The following KANK1 variants were observed in gnomAD, a reference collection of about 807,000 sequenced individuals.
KANK1 encodes the protein KN motif and ankyrin repeat domains 1.
KANK1 carries 109 observed loss-of-function variants against 106.2 expected under a neutral mutation model. The observed-to-expected ratio is 1.03, with a 90% CI of 0.88 to 1.20. The LOEUF is 1.20. Ranked by LOEUF, KANK1 falls within the 50% of genes most tolerant of loss-of-function variation. The pLI is 0.00. For synonymous variants in KANK1, 873 were observed against 652.2 expected (o/e 1.34, Z -5.16); for missense variants, 2,399 against 1,710.7 (o/e 1.40, Z -7.10).
intron 1 of KANK1, among the ~76,000 whole-genome samples, chr9:518,118 G>A (rs186805637): frequency 0.051 from 7,761 of 151,698 alleles, 856 homozygotes; most frequent in African/African-American, 0.18. Flanking sequence ...ACTCTTTCCT[G>A]CTCTGTCAAC....
At chr9:607,111 C>G (rs1382476380) in intron 1 of KANK1, among the ~76,000 whole-genome samples, 1 of 151,812 alleles carries the variant, frequency 6.6e-6, no homozygotes, top group African/African-American at 2.4e-5. Flanking sequence ...CTCTCTTTCA[C>G]CTTCCTCAAT....
intron 1 of KANK1, among the ~76,000 whole-genome samples, chr9:542,385 G>A (rs1301234864): frequency 6.6e-6 from 1 of 152,196 alleles, no homozygotes; most frequent in Admixed American, 6.5e-5. Context: ...TACTAGAATG[G>A]ATATTATCAA....
chr9:519,685 T>C (rs1270461398), intron 1 of KANK1, among the ~76,000 whole-genome samples: 2 of 151,740 alleles, frequency 1.3e-5, no homozygotes, highest in Non-Finnish European at 2.9e-5. Flanking sequence ...CAGTTAAGTT[T>C]ATAACCTCGA....
chr9:665,126 CTTGT>C (rs1234283388), intron 1 of KANK1, among the ~76,000 whole-genome samples: 1 of 152,098 alleles, frequency 6.6e-6, no homozygotes, highest in African/African-American at 2.4e-5. Flanking sequence ...GTTTCTTCAC[CTTGT>C]TTGAGTGTTT....
At chr9:653,274 A>C (rs865912985) in intron 1 of KANK1, among the ~76,000 whole-genome samples, 3 of 152,046 alleles carry the variant, frequency 2.0e-5, no homozygotes, top group Non-Finnish European at 4.4e-5. Context: ...TTCGAGGCCA[A>C]CTGGAAATGA....
chr9:711,881 C>T lies in KANK1; in HGVS notation c.1115C>T (p.Ala372Val), dbSNP rs973324089. 23 of 1,614,056 alleles carry T rather than the reference C, an allele frequency of 1.4e-5. No homozygotes were observed. The highest frequency in any genetic ancestry group is 1.9e-5 in the Non-Finnish European group (22 of 1,180,036). The change falls in exon 3 of 12, where the codon GCA becomes GTA. Residue 372 changes from alanine (A) to valine (V), a missense_variant. Ala to Val is a moderately conservative substitution (Grantham distance 64). Coordinates refer to ENST00000382297, the MANE Select transcript of KANK1 (RefSeq NM_015158.5). ...QRIKEFRQLTADMQALEQKIQ... is the reference protein window; with the variant it reads ...QRIKEFRQLTVDMQALEQKIQ... ...ATAAAGGAGTTCCGGCAACTTACAG[C>T]AGACATGCAAGCCCTGGAGCAGAAG... is the stretch of plus-strand genomic sequence containing the variant.
intron 1 of KANK1, among the ~76,000 whole-genome samples, chr9:632,028 C>G (rs920226123): frequency 1.3e-5 from 2 of 152,304 alleles, no homozygotes; most frequent in East Asian, 1.9e-4. Flanking sequence ...AGTACAAAGA[C>G]TGTGTCATTA....
At chr9:731,056 G>C (rs1191534980) in intron 4 of KANK1, 102 bp from the exon 5 acceptor site, 1 of 556,754 alleles carries the variant, frequency 1.8e-6, no homozygotes, top group Non-Finnish European at 3.2e-6. Flanking sequence ...TATATGCCAA[G>C]ATCTACATTT....
intron 1 of KANK1, among the ~76,000 whole-genome samples, chr9:553,519 T>TG (rs2061400200): frequency 6.6e-6 from 1 of 152,216 alleles, no homozygotes; most frequent in Non-Finnish European, 1.5e-5. Flanking sequence ...GTCCTTGATC[T>TG]TCCGCACCCT....
At chr9:744,878 T>C in intron 11 of KANK1, 1 of 1,411,234 alleles carries the variant, frequency 7.1e-7, no homozygotes, top group South Asian at 1.5e-5. Flanking sequence ...CCTGAGCCCA[T>C]GGGGATATTT....
At chr9:541,244 G>A (rs964614763) in intron 1 of KANK1, among the ~76,000 whole-genome samples, 1 of 152,092 alleles carries the variant, frequency 6.6e-6, no homozygotes, top group Non-Finnish European at 1.5e-5. Flanking sequence ...TAGACCAATG[G>A]AACAGAATAG....
intron 2 of KANK1, among the ~76,000 whole-genome samples, chr9:706,118 C>T (rs1824088108): frequency 6.6e-6 from 1 of 151,954 alleles, no homozygotes; most frequent in South Asian, 2.1e-4. Context: ...TTACCATGGA[C>T]AATTGTTTGT....
intron 2 of KANK1, among the ~76,000 whole-genome samples, chr9:471,841 T>TA (rs2058027273): frequency 6.6e-6 from 1 of 152,098 alleles, no homozygotes; most frequent in Non-Finnish European, 1.5e-5. Flanking sequence ...TTACAGTGAG[T>TA]TAAGCGTTCT....
chr9:638,280 A>AG (rs1461274239), intron 1 of KANK1, among the ~76,000 whole-genome samples: 1 of 152,216 alleles, frequency 6.6e-6, no homozygotes, highest in Non-Finnish European at 1.5e-5. Context: ...GTCCAAGATC[A>AG]GGGGGACATG....
intron 1 of KANK1, among the ~76,000 whole-genome samples, chr9:661,539 G>A (rs1843316081): frequency 6.6e-6 from 1 of 152,124 alleles, no homozygotes; most frequent in African/African-American, 2.4e-5. Context: ...GGGCATTTGG[G>A]TTGGTTCCAA....
At chr9:715,130 G>T (rs1405689094) in intron 3 of KANK1, among the ~76,000 whole-genome samples, 1 of 152,170 alleles carries the variant, frequency 6.6e-6, no homozygotes, top group Non-Finnish European at 1.5e-5. Flanking sequence ...CTATAGGACA[G>T]TTAGTTTGTT....
chr9:722,329 C>G (rs1413305344), intron 3 of KANK1, among the ~76,000 whole-genome samples: 2 of 152,058 alleles, frequency 1.3e-5, no homozygotes, highest in African/African-American at 4.8e-5. Flanking sequence ...CTCTCTCTCT[C>G]TGTCTCTCTG....
chr9:654,814 T>TGAGA (rs57089042), intron 1 of KANK1, among the ~76,000 whole-genome samples: 142 of 80,530 alleles, frequency 1.8e-3, no homozygotes, highest in Non-Finnish European at 4.2e-3. Flanking sequence ...TGTGTGTGTG[T>TGAGA]GAGAGAGAGA....
At position 579,581 on chromosome 9, in the gene KANK1, T is replaced by A. The variant is rs367793363; in HGVS notation, c.-84+74827T>A. Among the ~76,000 whole-genome samples the A allele has an allele frequency of 5.9e-5, 9 of 152,032 alleles. 1 individual carries two copies. The East Asian group carries it at 1.7e-3, about 29-fold the overall frequency. On this transcript the variant is annotated intron_variant, in intron 1 of 11. Transcript: ENST00000382297. ...CTCCTCAGCCCCAATTTTAAAACCC[T>A]AGGGGAGAAGCATCTTCTCAGCATA...
Sources: allele counts gnomAD v4.1 joint callset (sites outside exome capture counted in the v4.1 genomes callset), GRCh38; gene constraint gnomAD v4.1.1; transcripts MANE v1.5; gene names NCBI Gene and HGNC (gene_info 2026-07-23, HGNC 2026-07-21).